The following NSD1 variants were observed in gnomAD, a reference collection of about 807,000 sequenced individuals.
The protein encoded by NSD1 is nuclear receptor binding SET domain protein 1, also known as histone-lysine N-methyltransferase, H3 lysine-36 specific.
A neutral mutation model predicts 242.7 loss-of-function variants in NSD1; 26 were observed. The ratio of observed to expected loss-of-function variants is 0.11; its 90% CI spans 0.08 to 0.15. The LOEUF (loss-of-function observed/expected upper bound fraction) is 0.15. NSD1 is among the 10% of genes least tolerant of loss of function. NSD1 has a pLI of 1.00. For missense variants in NSD1, 2,495 were observed against 3,272.8 expected (o/e 0.76, Z 5.80); for synonymous variants, 1,106 against 1,178.1 (o/e 0.94, Z 1.25).
chr5:177,165,976 C>G (rs1335364471), intron 2 of NSD1, among the ~76,000 whole-genome samples: 2 of 143,938 alleles, frequency 1.4e-5, no homozygotes, highest in Non-Finnish European at 3.0e-5. Context: ...GTGGCGCAAT[C>G]TCGGCTCATT....
intron 3 of NSD1, among the ~76,000 whole-genome samples, chr5:177,194,885 G>A (rs542381159): frequency 6.6e-5 from 10 of 151,684 alleles, no homozygotes; most frequent in African/African-American, 1.9e-4. Context: ...GTGTCTGGGC[G>A]CAGTGGCTCA....
intron 17 of NSD1, among the ~76,000 whole-genome samples, chr5:177,274,697 TTGTGTGTGTGTG>T (rs138385964): frequency 2.1e-5 from 3 of 145,444 alleles, no homozygotes; most frequent in African/African-American, 7.6e-5. Flanking sequence ...CACTTATCCT[TTGTGTGTGTGTG>T]TGTGTGTGTG....
intron 12 of NSD1, among the ~76,000 whole-genome samples, chr5:177,255,213 G>A (rs1025343549): frequency 5.9e-5 from 9 of 151,996 alleles, no homozygotes; most frequent in Middle Eastern, 3.4e-3. Flanking sequence ...GCTAAGTCAC[G>A]AGAATTGCTT....
Position 177,211,539 on chromosome 5 carries a change from C to G in NSD1, c.3140C>G (p.Ala1047Gly), listed in dbSNP as rs1301850150. The change falls in exon 5 of 23, where the codon GCC (alanine) becomes GGC (glycine). Residue 1047 changes from alanine (A) to glycine (G), a missense_variant. This residue lies in a region of NSD1 where 426 missense variants were observed against 411.4 expected (regional missense o/e 1.04). Coordinates refer to ENST00000439151, the MANE Select transcript of NSD1 (RefSeq NM_022455.5). ...QMVKNTVNRK[A>G]LKTERKRKLN... ...GTAAAGAACACAGTGAACCGTAAAGCCTTAAAGACCGAGCGCAAAAGAAAA... is the reference window on the plus strand; with the variant it reads ...GTAAAGAACACAGTGAACCGTAAAGGCTTAAAGACCGAGCGCAAAAGAAAA... 4.3e-6 allele frequency: 7 copies of G among 1,614,050 alleles called. No individual in the cohort carries two copies. Among genetic ancestry groups the G allele is most frequent in the Non-Finnish European group, 5.9e-6 (7 of 1,180,024 alleles).
chr5:177,218,693 GAGTAGCTGGGACTAC>G (rs2149860125), intron 5 of NSD1, among the ~76,000 whole-genome samples: 1 of 151,452 alleles, frequency 6.6e-6, no homozygotes, highest in East Asian at 2.0e-4. Context: ...TCGGCTTCCT[GAGTAGCTGGGACTAC>G]AGGCGCCCCC....
intron 18 of NSD1, among the ~76,000 whole-genome samples, chr5:177,282,220 A>G (rs1317216207): frequency 6.6e-6 from 1 of 152,170 alleles, no homozygotes; most frequent in African/African-American, 2.4e-5. Flanking sequence ...CTAATCTTCC[A>G]TTCTGGAGGA....
At chr5:177,184,460 T>C (rs1760936246) in intron 2 of NSD1, among the ~76,000 whole-genome samples, 1 of 152,150 alleles carries the variant, frequency 6.6e-6, no homozygotes, top group Non-Finnish European at 1.5e-5. Flanking sequence ...TTAGGAAAAC[T>C]TTAATTTGAT....
At chr5:177,149,230 T>G (rs2149774373) in intron 2 of NSD1, among the ~76,000 whole-genome samples, 1 of 151,966 alleles carries the variant, frequency 6.6e-6, no homozygotes, top group South Asian at 2.1e-4. Context: ...TTTTGTTTTT[T>G]TTTTTGAGAC....
chr5:177,151,205 C>T (rs1252609094), intron 2 of NSD1, among the ~76,000 whole-genome samples: 1 of 152,026 alleles, frequency 6.6e-6, no homozygotes, highest in African/African-American at 2.4e-5. Flanking sequence ...GGCCAAACCC[C>T]TATCTACTAA....
At chr5:177,147,554 C>T (rs560448625) in intron 2 of NSD1, among the ~76,000 whole-genome samples, 2 of 151,908 alleles carry the variant, frequency 1.3e-5, no homozygotes, top group East Asian at 1.9e-4. Flanking sequence ...CCAGGGGATT[C>T]ATCTAAGTTG....
chr5:177,231,497 G>T (rs962783524), intron 5 of NSD1, among the ~76,000 whole-genome samples: 2 of 151,842 alleles, frequency 1.3e-5, no homozygotes, highest in Non-Finnish European at 2.9e-5. Context: ...GCACGATCTC[G>T]ACTCACTACA....
intron 11 of NSD1, 143 bp downstream of exon 11, chr5:177,248,467 A>C: frequency 8.7e-7 from 1 of 1,151,006 alleles, no homozygotes; most frequent in African/African-American, 1.5e-5. Context: ...TAAGGATTTG[A>C]CCCCTTTTTT....
chr5:177,185,827 TAA>T (rs1259283608), intron 2 of NSD1, among the ~76,000 whole-genome samples: 17 of 91,162 alleles, frequency 1.9e-4, no homozygotes, highest in Admixed American at 3.7e-4. Flanking sequence ...ATATAATATA[TAA>T]GTTTTATATA....
At chr5:177,215,973 A>G (rs748297691) in intron 5 of NSD1, among the ~76,000 whole-genome samples, 13 of 151,966 alleles carry the variant, frequency 8.6e-5, no homozygotes, top group African/African-American at 7.3e-5. Context: ...TGATCCTCCT[A>G]TCTCAGCATC....
At chr5:177,180,581 G>C (rs1053900999) in intron 2 of NSD1, among the ~76,000 whole-genome samples, 2 of 152,036 alleles carry the variant, frequency 1.3e-5, no homozygotes, top group Admixed American at 1.3e-4. Flanking sequence ...CCTTTGCTTA[G>C]TCTGTTAATT....
Position 177,136,046 on chromosome 5 carries a change from T to A in NSD1, c.927+16T>A. The A allele has an allele frequency of 6.2e-7, 1 of 1,604,764 alleles. No individual in the cohort carries two copies. The highest frequency in any genetic ancestry group is 8.5e-7 in the Non-Finnish European group (1 of 1,171,862). ...ATTGCCATTTGTAAGCAGTTTTTGGTACAACTTAAATATATACATATATGT... is the reference window on the plus strand; with the variant it reads ...ATTGCCATTTGTAAGCAGTTTTTGGAACAACTTAAATATATACATATATGT... On this transcript the variant is annotated intron_variant, in intron 2 of 22. Coordinates refer to ENST00000439151, the MANE Select transcript of NSD1 (RefSeq NM_022455.5).
At chr5:177,293,754 C>T (rs1233240815) in intron 22 of NSD1, 78 bp from the exon 23 acceptor site, 53 of 1,515,430 alleles carry the variant, frequency 3.5e-5, no homozygotes, top group Admixed American at 1.5e-4. Flanking sequence ...TCCACACCTT[C>T]GGACTGTAGC....
At chr5:177,177,340 C>T (rs1266539761) in intron 2 of NSD1, among the ~76,000 whole-genome samples, 1 of 151,990 alleles carries the variant, frequency 6.6e-6, no homozygotes, top group South Asian at 2.1e-4. Flanking sequence ...CCTGGTGAAA[C>T]CCCCTCTCTA....
chr5:177,216,479 G>C (rs2149856619), intron 5 of NSD1, among the ~76,000 whole-genome samples: 1 of 152,034 alleles, frequency 6.6e-6, no homozygotes, highest in East Asian at 1.9e-4. Context: ...CTTATGTTTA[G>C]GTCTTTGATC....
Sources: gnomAD v4.1 joint callset for allele counts (sites outside exome capture counted in the v4.1 genomes callset) on GRCh38, gnomAD v4.1.1 for gene constraint, gnomAD v4.1.1 regional missense constraint, MANE v1.5 for transcripts, NCBI Gene and HGNC (gene_info 2026-07-23, HGNC 2026-07-21) for gene names.